ELOVL5: variants seen among roughly 807,000 people sequenced by gnomAD.
ELOVL5 encodes very long chain fatty acid elongase 5.
In ELOVL5, 8 loss-of-function variants were observed where a neutral mutation model predicts 38.6. The observed-to-expected ratio is 0.21, with a 90% CI of 0.12 to 0.37. The LOEUF (loss-of-function observed/expected upper bound fraction) is 0.37, where lower values mean the gene tolerates loss of function less well. ELOVL5 is among the 10% of genes least tolerant of loss of function. The pLI is 1.00. For missense variants in ELOVL5, 280 were observed against 367.8 expected (o/e 0.76, Z 1.95); for synonymous variants, 127 against 133.7 (o/e 0.95, Z 0.34).
intron 4 of ELOVL5, among the ~76,000 whole-genome samples, chr6:53,275,923 A>T (rs1221236548): frequency 6.6e-6 from 1 of 152,256 alleles, no homozygotes; most frequent in Non-Finnish European, 1.5e-5. Context: ...TAAATATAAC[A>T]TACTGACTGC....
intron 6 of ELOVL5, 77 bp downstream of exon 6, chr6:53,273,143 T>C (rs767015504): frequency 4.7e-6 from 7 of 1,501,306 alleles, no homozygotes; most frequent in Non-Finnish European, 6.4e-6. Flanking sequence ...TTAGATGCTA[T>C]TACATAACAC....
chr6:53,341,437 T>TA (rs1275265801), intron 1 of ELOVL5, among the ~76,000 whole-genome samples: 22 of 152,216 alleles, frequency 1.4e-4, no homozygotes, highest in African/African-American at 5.3e-4. Flanking sequence ...TTAGAGTCTT[T>TA]AAGCCAATCT....
intron 1 of ELOVL5, among the ~76,000 whole-genome samples, chr6:53,322,460 C>T (rs1026070411): frequency 2.0e-5 from 3 of 152,142 alleles, no homozygotes; most frequent in Non-Finnish European, 2.9e-5. Flanking sequence ...CAATCCCATG[C>T]GGAGGCACTA....
chr6:53,304,214 C>T (rs574852626), intron 1 of ELOVL5, among the ~76,000 whole-genome samples: 3 of 152,172 alleles, frequency 2.0e-5, no homozygotes, highest in Admixed American at 6.5e-5. Context: ...AAATGGCACA[C>T]CTGACTCCAC....
chr6:53,271,290 G>A (rs1156532200), intron 6 of ELOVL5, among the ~76,000 whole-genome samples: 2 of 151,990 alleles, frequency 1.3e-5, no homozygotes, highest in Non-Finnish European at 2.9e-5. Context: ...GGTGGCTCAC[G>A]CCTGTAATTC....
intron 1 of ELOVL5, among the ~76,000 whole-genome samples, chr6:53,343,938 T>C (rs962310528): frequency 6.6e-6 from 1 of 152,240 alleles, no homozygotes; most frequent in Non-Finnish European, 1.5e-5. Context: ...TTTGGTAACA[T>C]TGGGGCTTTC....
chr6:53,324,584 G>A (rs1202788733), intron 1 of ELOVL5, among the ~76,000 whole-genome samples: 1 of 149,154 alleles, frequency 6.7e-6, no homozygotes, highest in Non-Finnish European at 1.5e-5. Context: ...GCTGAGGCAG[G>A]AGGATGGCTT....
intron 1 of ELOVL5, among the ~76,000 whole-genome samples, chr6:53,316,706 G>C (rs1480310577): frequency 6.6e-6 from 1 of 150,544 alleles, no homozygotes; most frequent in Non-Finnish European, 1.5e-5. Context: ...CAAGGTGAGG[G>C]AGAGGGGGGA....
intron 1 of ELOVL5, among the ~76,000 whole-genome samples, chr6:53,304,834 A>G (rs1286188128): frequency 7.8e-6 from 1 of 128,886 alleles, no homozygotes; most frequent in Middle Eastern, 4.1e-3. Flanking sequence ...TTCTTTCTAC[A>G]CAGCACAGCA....
Position 53,295,701 on chromosome 6 carries a change from T to G in ELOVL5, c.-2A>C, listed in dbSNP as rs1372398655. On this transcript the variant is annotated 5_prime_UTR_variant, in exon 2 of 8. Coordinates refer to ENST00000304434, the MANE Select transcript of ELOVL5 (RefSeq NM_021814.5). The stretch of plus-strand genomic sequence containing the variant: ...AAGTGATGCATCAAAATGTTCCATT[T>G]GAAAACCTATTAAGAAAAAAAAAGA... 6.3e-7 allele frequency: 1 copy of G among 1,583,000 alleles called. No individual in the cohort carries two copies. Among genetic ancestry groups the G allele is most frequent in the African/African-American group, 1.4e-5 (1 of 73,338 alleles).
At chr6:53,270,799 T>C (rs1228805973) in intron 6 of ELOVL5, 72 bp from the exon 7 acceptor site, 13 of 1,570,122 alleles carry the variant, frequency 8.3e-6, no homozygotes, top group South Asian at 1.1e-5. Flanking sequence ...GCAGACTTTT[T>C]AACCAGCATC....
intron 3 of ELOVL5, among the ~76,000 whole-genome samples, chr6:53,278,766 A>T (rs1274289964): frequency 6.6e-6 from 1 of 151,744 alleles, no homozygotes; most frequent in East Asian, 1.9e-4. Context: ...TCAATGCAAC[A>T]CTCCCTCCAC....
chr6:53,320,502 AT>A (rs975984988), intron 1 of ELOVL5, among the ~76,000 whole-genome samples: 1 of 151,736 alleles, frequency 6.6e-6, no homozygotes, highest in African/African-American at 2.4e-5. Context: ...CGCCTGGCTA[AT>A]TTTTTGTATT....
chr6:53,318,262 G>A (rs1352349597), intron 1 of ELOVL5, among the ~76,000 whole-genome samples: 1 of 152,176 alleles, frequency 6.6e-6, no homozygotes, highest in Non-Finnish European at 1.5e-5. Context: ...AAGCTACCAA[G>A]AGTATAGCTG....
intron 1 of ELOVL5, among the ~76,000 whole-genome samples, chr6:53,320,619 G>A (rs1247334025): frequency 2.0e-5 from 3 of 151,740 alleles, no homozygotes; most frequent in Non-Finnish European, 2.9e-5. Context: ...CACCACACCC[G>A]GCCAAAACCC....
chr6:53,285,310 C>T (rs1766526832), intron 3 of ELOVL5, among the ~76,000 whole-genome samples: 1 of 152,206 alleles, frequency 6.6e-6, no homozygotes, highest in Non-Finnish European at 1.5e-5. Context: ...ATCAAACCAG[C>T]CATAACATTC....
intron 1 of ELOVL5, among the ~76,000 whole-genome samples, chr6:53,323,644 G>A (rs907816450): frequency 6.9e-5 from 10 of 145,638 alleles, no homozygotes; most frequent in Admixed American, 1.4e-4. Flanking sequence ...ATGCAGTGGC[G>A]TGATCTCGGC....
At chr6:53,294,317 G>A in intron 2 of ELOVL5, 2 of 1,574,048 alleles carry the variant, frequency 1.3e-6, no homozygotes, top group East Asian at 2.3e-5. Flanking sequence ...TGTGGCCAGT[G>A]AGTTTTGAGG....
At chr6:53,279,346 C>T (rs373730387) in intron 3 of ELOVL5, among the ~76,000 whole-genome samples, 3 of 152,330 alleles carry the variant, frequency 2.0e-5, no homozygotes, top group African/African-American at 7.2e-5. Flanking sequence ...AGTTAAAATT[C>T]TATTTTCTTC....
Sources: gnomAD v4.1 joint callset for allele counts (sites outside exome capture counted in the v4.1 genomes callset) on GRCh38, gnomAD v4.1.1 for gene constraint, MANE v1.5 for transcripts, NCBI Gene and HGNC (gene_info 2026-07-23, HGNC 2026-07-21) for gene names.